The following CDYL variants were observed in gnomAD, a reference collection of about 807,000 sequenced individuals.
CDYL encodes chromodomain Y like.
In CDYL, 8 loss-of-function variants were observed where a neutral mutation model predicts 47.3. The observed-to-expected ratio is 0.17, with a 90% CI of 0.10 to 0.31. The LOEUF (loss-of-function observed/expected upper bound fraction) is 0.31, where lower values mean the gene tolerates loss of function less well. Among genes scored for constraint, CDYL ranks in the 10% least tolerant of loss-of-function variants. CDYL has a pLI of 1.00. For synonymous variants in CDYL, 266 were observed against 265.0 expected (o/e 1.00, Z -0.04); for missense variants, 471 against 701.4 (o/e 0.67, Z 3.71).
chr6:4,917,888 G>A (rs1266819077), intron 2 of CDYL, among the ~76,000 whole-genome samples: 1 of 152,202 alleles, frequency 6.6e-6, no homozygotes, highest in Non-Finnish European at 1.5e-5. Flanking sequence ...TGGAAAATTA[G>A]CACTTGAACG....
chr6:4,910,823 T>G (rs1757389696), intron 2 of CDYL, among the ~76,000 whole-genome samples: 1 of 150,842 alleles, frequency 6.6e-6, no homozygotes. Flanking sequence ...AGACCTTACC[T>G]GAGAAAGGAT....
chr6:4,831,466 G>A (rs1760142154), intron 1 of CDYL, among the ~76,000 whole-genome samples: 1 of 152,174 alleles, frequency 6.6e-6, no homozygotes, highest in Admixed American at 6.5e-5. Flanking sequence ...GTACCATGCT[G>A]TTTTGGTTAC....
chr6:4,819,909 A>G (rs988710238), intron 1 of CDYL, among the ~76,000 whole-genome samples: 2 of 152,184 alleles, frequency 1.3e-5, no homozygotes, highest in African/African-American at 4.8e-5. Context: ...TGCTGAAGTC[A>G]AGAAACCCTG....
At chr6:4,816,117 G>A (rs1453638151) in intron 1 of CDYL, among the ~76,000 whole-genome samples, 2 of 151,796 alleles carry the variant, frequency 1.3e-5, no homozygotes, top group Non-Finnish European at 2.9e-5. Context: ...AATGCTACCC[G>A]TTGGCATACA....
In CDYL at chr6:4,723,931, T is replaced by C. The variant is rs1213204812; in HGVS notation, c.103+8050T>C. Reference sequence around the variant, plus strand: ...ATTCCTTATGGCTCCTGATCTGCTTTCGGTTAGAATGAATGAGCCCTGGGG... The same window carrying C: ...ATTCCTTATGGCTCCTGATCTGCTTCCGGTTAGAATGAATGAGCCCTGGGG... On this transcript the variant is annotated intron_variant, in intron 2 of 8. Coordinates refer to the CDYL transcript ENST00000328908. 3.3e-5 allele frequency among the ~76,000 whole-genome samples: 5 copies of C among 152,266 alleles called. No individual in the cohort carries two copies. The East Asian group carries it at 7.7e-4, about 23-fold the overall frequency.
chr6:4,815,989 C>T (rs1303228043), intron 1 of CDYL, among the ~76,000 whole-genome samples: 1 of 122,680 alleles, frequency 8.2e-6, no homozygotes, highest in African/African-American at 2.9e-5. Context: ...TTTTTTTTGA[C>T]GTTATCCTAT....
intron 1 of CDYL, among the ~76,000 whole-genome samples, chr6:4,868,140 TCTG>T (rs980426127): frequency 2.0e-5 from 3 of 151,732 alleles, no homozygotes; most frequent in Admixed American, 6.6e-5. Context: ...TTTCCTCTCT[TCTG>T]CTTGCTTTGG....
intron 1 of CDYL, among the ~76,000 whole-genome samples, chr6:4,848,514 G>A (rs1005578211): frequency 3.9e-5 from 6 of 152,208 alleles, no homozygotes; most frequent in African/African-American, 4.8e-5. Flanking sequence ...AGGCACATGA[G>A]AACAGTGCAC....
chr6:4,867,172 T>A (rs1561678070), intron 1 of CDYL, among the ~76,000 whole-genome samples: 1 of 152,270 alleles, frequency 6.6e-6, no homozygotes, highest in Non-Finnish European at 1.5e-5. Flanking sequence ...TTCTAATGTT[T>A]TGTTTGTTGT....
intron 2 of CDYL, among the ~76,000 whole-genome samples, chr6:4,920,128 C>T (rs939911744): frequency 1.3e-5 from 2 of 152,192 alleles, no homozygotes. Context: ...AACAGTTCCA[C>T]TTACAAGAGG....
intron 2 of CDYL, among the ~76,000 whole-genome samples, chr6:4,734,314 A>G (rs1757662268): frequency 6.6e-6 from 1 of 152,084 alleles, no homozygotes; most frequent in Admixed American, 6.6e-5. Context: ...CTGTTGTCTG[A>G]TGCATACTGG....
rs1479641505 is a variant in CDYL, at chr6:4,935,616, A to C, written c.793A>C (p.Arg265=). The change falls in exon 3 of 7, where the codon AGA becomes CGA. Residue 265 remains arginine (R), a synonymous_variant. Coordinates refer to ENST00000397588, the MANE Select transcript of CDYL (RefSeq NM_004824.4). ...TASKRKFIDD[R]RDQPFDKRLR... The stretch of plus-strand genomic sequence containing the variant: ...CAGCAAAAGGAAATTTATTGACGAC[A>C]GAAGAGACCAGCCTTTTGACAAGCG... The C allele has an allele frequency of 6.2e-7, 1 of 1,614,110 alleles. No homozygotes were observed. Among genetic ancestry groups the C allele is most frequent in the African/African-American group, 1.3e-5 (1 of 74,936 alleles).
chr6:4,758,351 A>AATAT (rs56250752), intron 3 of CDYL, among the ~76,000 whole-genome samples: 9,362 of 128,844 alleles, frequency 0.073, 430 homozygotes, highest in Non-Finnish European at 0.1. Flanking sequence ...AAAATAAATA[A>AATAT]ATATATATAT....
chr6:4,710,310 AAG>A (rs1354629718), intron 1 of CDYL, among the ~76,000 whole-genome samples: 1 of 147,772 alleles, frequency 6.8e-6, no homozygotes, highest in African/African-American at 2.5e-5. Flanking sequence ...GAAGGATCGA[AAG>A]AAGAATAAAA....
At chr6:4,952,198 T>C in intron 5 of CDYL, 68 bp from the exon 6 acceptor site, 2 of 1,544,714 alleles carry the variant, frequency 1.3e-6, no homozygotes, top group Non-Finnish European at 1.8e-6. Flanking sequence ...GTGTGGATTT[T>C]AAGGGATGGG....
chr6:4,781,236 C>T (rs897765144), intron 1 of CDYL, among the ~76,000 whole-genome samples: 1 of 152,144 alleles, frequency 6.6e-6, no homozygotes, highest in Non-Finnish European at 1.5e-5. Context: ...TCCTACTTTG[C>T]GATAAGATTC....
At chr6:4,808,147 A>C (rs969181944) in intron 1 of CDYL, among the ~76,000 whole-genome samples, 1 of 152,092 alleles carries the variant, frequency 6.6e-6, no homozygotes, top group South Asian at 2.1e-4. Context: ...GCACTGTTTC[A>C]TTTTATTGGC....
At chr6:4,792,030 C>T (rs1310113898) in intron 1 of CDYL, among the ~76,000 whole-genome samples, 1 of 151,266 alleles carries the variant, frequency 6.6e-6, no homozygotes, top group Non-Finnish European at 1.5e-5. Flanking sequence ...CTACAGGCGC[C>T]TACCACCACG....
intron 5 of CDYL, among the ~76,000 whole-genome samples, chr6:4,950,038 G>A (rs1758648951): frequency 6.6e-6 from 1 of 152,140 alleles, no homozygotes; most frequent in South Asian, 2.1e-4. Context: ...GAGGAAGACC[G>A]GCCGCAATGA....
Sources: allele counts gnomAD v4.1 joint callset (sites outside exome capture counted in the v4.1 genomes callset), GRCh38; gene constraint gnomAD v4.1.1; transcripts MANE v1.5; gene names NCBI Gene and HGNC (gene_info 2026-07-23, HGNC 2026-07-21).